The following ATP13A4 variants were observed in gnomAD, a reference collection of about 807,000 sequenced individuals.
ATP13A4 encodes the protein probable cation-transporting ATPase 13A4.
Under a neutral mutation model 142.5 loss-of-function variants are expected in ATP13A4, and 114 were observed. That is an observed-to-expected ratio of 0.80 (90% CI 0.69 to 0.93). The LOEUF (loss-of-function observed/expected upper bound fraction) is 0.93, where lower values mean the gene tolerates loss of function less well. ATP13A4 is among the 40% of genes least tolerant of loss of function. The probability of loss-of-function intolerance (pLI) is 0.00; values close to 1 mark genes in which losing one functional copy is unlikely to be tolerated. For synonymous variants in ATP13A4, 488 were observed against 514.8 expected (o/e 0.95, Z 0.70); for missense variants, 1,392 against 1,454.0 (o/e 0.96, Z 0.69).
chr3:193,510,791 C>T (rs941150951), intron 2 of ATP13A4, among the ~76,000 whole-genome samples: 6 of 151,762 alleles, frequency 4.0e-5, no homozygotes, highest in African/African-American at 1.5e-4. Context: ...ATCTTACCAG[C>T]GTGAGATTGA....
At chr3:193,545,340 T>G (rs1723159689) in intron 1 of ATP13A4, among the ~76,000 whole-genome samples, 1 of 152,182 alleles carries the variant, frequency 6.6e-6, no homozygotes, top group Non-Finnish European at 1.5e-5. Flanking sequence ...AATCAGAGTG[T>G]CCTGGCCTGA....
At chr3:193,565,218 G>A (rs1193270154) in intron 2 of ATP13A4, among the ~76,000 whole-genome samples, 4 of 152,178 alleles carry the variant, frequency 2.6e-5, no homozygotes. Context: ...TACCAAATGG[G>A]TTGAGGACTG....
At chr3:193,477,806 G>A (rs1719056794) in intron 8 of ATP13A4, among the ~76,000 whole-genome samples, 1 of 151,974 alleles carries the variant, frequency 6.6e-6, no homozygotes, top group South Asian at 2.1e-4. Context: ...AACTGTCCAG[G>A]GGAGAGCCAC....
At chr3:193,430,492 A>G (rs1715908733) in intron 25 of ATP13A4, among the ~76,000 whole-genome samples, 1 of 152,166 alleles carries the variant, frequency 6.6e-6, no homozygotes, top group Non-Finnish European at 1.5e-5. Flanking sequence ...GATTGTGGAA[A>G]GTACTGTGAA....
At chr3:193,511,111 T>C (rs1560244331) in intron 2 of ATP13A4, among the ~76,000 whole-genome samples, 1 of 152,194 alleles carries the variant, frequency 6.6e-6, no homozygotes, top group Non-Finnish European at 1.5e-5. Flanking sequence ...GTCTCTGGCA[T>C]AGCAGATCCA....
intron 6 of ATP13A4, 75 bp from the exon 7 acceptor site, chr3:193,489,939 A>G: frequency 6.8e-7 from 1 of 1,471,042 alleles, no homozygotes; most frequent in African/African-American, 1.4e-5. Context: ...ACTTGTTTTC[A>G]TAATCATCTT....
rs373939066 is a variant in ATP13A4, at chr3:193,402,819, A to T, written c.3424T>A (p.Cys1142Ser). The T allele has an allele frequency of 6.2e-7, 1 of 1,614,160 alleles. No individual in the cohort carries two copies. Among genetic ancestry groups the T allele is most frequent in the African/African-American group, 1.3e-5 (1 of 75,054 alleles). ...TGGCTTTTTGACTGATAGCCGAAAC[A>T]TCTTTTAATCATCATCCACAGGGCT... ...NRALWMMIKR[C>S]FGYQSKSQYR... is the part of the protein sequence containing the mutation. Residue 1142 changes from cysteine to serine, a missense_variant, in exon 30 of 30, where the codon TGT becomes AGT. Cys to Ser is a moderately radical substitution (Grantham distance 112). Coordinates refer to ENST00000342695, the MANE Select transcript of ATP13A4 (RefSeq NM_032279.4).
At chr3:193,466,304 C>T (rs1032884568) in intron 10 of ATP13A4, 122 bp from the exon 11 acceptor site, 1 of 1,214,628 alleles carries the variant, frequency 8.2e-7, no homozygotes, top group African/African-American at 1.5e-5. Context: ...AGCTCAAAGG[C>T]AATTGAAAGA....
chr3:193,439,119 C>A (rs932464276), intron 21 of ATP13A4, 54 bp from the exon 22 acceptor site: 23 of 1,515,054 alleles, frequency 1.5e-5, no homozygotes, highest in Non-Finnish European at 2.1e-5. Context: ...TTGCTAATTT[C>A]TCTAATTAAA....
At chr3:193,583,780 G>A (rs1489632130) in intron 1 of ATP13A4, among the ~76,000 whole-genome samples, 1 of 152,106 alleles carries the variant, frequency 6.6e-6, no homozygotes, top group African/African-American at 2.4e-5. Context: ...TAATTCAAGA[G>A]TAAATCCTTA....
intron 5 of ATP13A4, among the ~76,000 whole-genome samples, chr3:193,492,490 G>A (rs867914426): frequency 3.0e-4 from 46 of 152,106 alleles, no homozygotes; most frequent in African/African-American, 1.1e-3. Flanking sequence ...ATTTAACTGC[G>A]TTATCATGGT....
At chr3:193,529,150 G>A (rs1318483170) in intron 1 of ATP13A4, among the ~76,000 whole-genome samples, 1 of 151,932 alleles carries the variant, frequency 6.6e-6, no homozygotes, top group South Asian at 2.1e-4. Context: ...CATGCCTGTA[G>A]TCCCAGCTAC....
At position 193,459,085 on chromosome 3, in the gene ATP13A4, G is replaced by A. The variant is rs780037564; in HGVS notation, c.1670C>T (p.Thr557Ile). Residue 557 changes from threonine (T) to isoleucine (I), a missense_variant, in exon 14 of 30, where the codon ACC becomes ATC. By Grantham distance (89) the Thr-to-Ile change is moderately conservative. Transcript: ENST00000342695. Reference sequence around the variant, plus strand: ...CTCTGAAGAGCAGAGGCTTACCCAGGTGGTGGCTTCAAACATTTTGAGGTC... The same window carrying A: ...CTCTGAAGAGCAGAGGCTTACCCAGATGGTGGCTTCAAACATTTTGAGGTC... The part of the protein sequence containing the change: ...PLDLKMFEAT[T>I]WEMAFSGDDF... 1 of 1,614,118 alleles carries A rather than the reference G, an allele frequency of 6.2e-7. No individual in the cohort carries two copies.
chr3:193,563,963 T>A (rs1724079920), intron 2 of ATP13A4, among the ~76,000 whole-genome samples: 1 of 152,206 alleles, frequency 6.6e-6, no homozygotes, highest in East Asian at 1.9e-4. Flanking sequence ...TATTAGAAGT[T>A]GAACAGTACT....
chr3:193,577,393 T>C (rs1174789588), intron 2 of ATP13A4, among the ~76,000 whole-genome samples: 1 of 152,236 alleles, frequency 6.6e-6, no homozygotes, highest in African/African-American at 2.4e-5. Context: ...TTCTTTCTTC[T>C]GAGATGCCTT....
Position 193,547,641 on chromosome 3 carries a change from GCTCTCAATATGATAC to G in ATP13A4, c.60+7084_60+7098del, listed in dbSNP as rs371386054. On this transcript the variant is annotated intron_variant, in intron 1 of 29. Coordinates refer to ENST00000342695, the MANE Select transcript of ATP13A4 (RefSeq NM_032279.4). ...GTGTTCCCACAGTTCTGTATGCATA[GCTCTCAATATGATAC>G]CTATTATATCACACTTTCATTATAT... Among the ~76,000 whole-genome samples the G allele has an allele frequency of 2.3e-3, 353 of 152,202 alleles. 2 individuals carry two copies. The highest frequency in any genetic ancestry group is 7.4e-3 in the African/African-American group (308 of 41,504).
chr3:193,488,094 T>C (rs1007842239), intron 7 of ATP13A4, among the ~76,000 whole-genome samples: 5 of 152,058 alleles, frequency 3.3e-5, no homozygotes, highest in African/African-American at 1.2e-4. Flanking sequence ...TGAAACACCG[T>C]CTCGACTAAA....
chr3:193,453,721 C>G (rs1427893339), intron 17 of ATP13A4, among the ~76,000 whole-genome samples: 26 of 151,794 alleles, frequency 1.7e-4, no homozygotes, highest in Non-Finnish European at 3.8e-4. Context: ...TTTCATAATT[C>G]CCAACCAATC....
Position 193,504,020 on chromosome 3 carries a change from T to TGTGTGTGTGTGTGTGTGAGA in ATP13A4, c.235-1382_235-1381insTCTCACACACACACACACAC, listed in dbSNP as rs1034644341. Among the ~76,000 whole-genome samples, 295 of 144,294 alleles carry TGTGTGTGTGTGTGTGTGAGA rather than the reference T, an allele frequency of 2.0e-3. 5 individuals carry two copies. The highest frequency in any genetic ancestry group is 3.7e-3 in the East Asian group (18 of 4,906). 94.7% of individuals were successfully genotyped at this position (144,294 alleles called of 152,430 possible). A position where few individuals can be genotyped will look rare whatever the true frequency, so the allele number is the denominator to read the frequency against. On this transcript the variant is annotated intron_variant, in intron 2 of 29. Coordinates refer to ENST00000342695, the MANE Select transcript of ATP13A4 (RefSeq NM_032279.4). ...ATGTGTGTGTGTGTGTGTGTGTGTG[T>TGTGTGTGTGTGTGTGTGAGA]GAGAGAGAGAGAGAGAGAGAGAAAG...
Sources: gnomAD v4.1 joint callset for allele counts (sites outside exome capture counted in the v4.1 genomes callset) on GRCh38, gnomAD v4.1.1 for gene constraint, MANE v1.5 for transcripts, NCBI Gene and HGNC (gene_info 2026-07-23, HGNC 2026-07-21) for gene names.